Variants in PTPRD observed in about 807,000 individuals in gnomAD.
PTPRD encodes receptor-type tyrosine-protein phosphatase delta.
PTPRD carries 34 observed loss-of-function variants against 214.5 expected under a neutral mutation model. The observed-to-expected ratio is 0.16, with a 90% CI of 0.12 to 0.21. The LOEUF is 0.21. PTPRD is among the 10% of genes least tolerant of loss of function. The probability of loss-of-function intolerance (pLI) is 1.00; values close to 1 mark genes in which losing one functional copy is unlikely to be tolerated. For missense variants in PTPRD, 2,545 were observed against 2,398.7 expected, an observed-to-expected ratio of 1.06 and a Z score of -1.27; for synonymous variants, 1,128 against 845.7, an observed-to-expected ratio of 1.33 and a Z score of -5.79.
intron 2 of PTPRD, among the ~76,000 whole-genome samples, chr9:10,599,636 G>A (rs549720954): frequency 1.3e-5 from 2 of 151,828 alleles, no homozygotes; most frequent in African/African-American, 4.8e-5. Context: ...TTTCTTCAAA[G>A]TTTGGTCATG....
chr9:9,208,199 C>T (rs1466402326), intron 9 of PTPRD, among the ~76,000 whole-genome samples: 2 of 150,798 alleles, frequency 1.3e-5, no homozygotes, highest in African/African-American at 2.4e-5. Context: ...TAGTTTTAGT[C>T]GAGACGGGGT....
chr9:9,352,360 T>C (rs1308714959), intron 9 of PTPRD, among the ~76,000 whole-genome samples: 1 of 129,032 alleles, frequency 7.8e-6, no homozygotes, highest in African/African-American at 2.6e-5. Flanking sequence ...TGTGTATATA[T>C]GTGTGTGTGT....
chr9:8,910,642 C>T (rs80111768), intron 11 of PTPRD, among the ~76,000 whole-genome samples: 5,601 of 152,100 alleles, frequency 0.037, 170 homozygotes, highest in Non-Finnish European at 0.055. Context: ...TCCCAGCCTC[C>T]AGAACTGTAA....
At position 8,816,070 on chromosome 9, in the gene PTPRD, A is replaced by G. The variant is rs2096913139; in HGVS notation, c.-103-82124T>C. ...AATTCCAGAATACCAAACCACTACT[A>G]AGGATTTTAAATGAAACCCCTGCTG... On this transcript the variant is annotated intron_variant, in intron 11 of 45. Coordinates refer to ENST00000381196, the MANE Select transcript of PTPRD (RefSeq NM_002839.4). 2.0e-5 allele frequency among the ~76,000 whole-genome samples: 3 copies of G among 152,192 alleles called. No homozygotes were observed. In the South Asian group the frequency reaches 6.2e-4, roughly 32 times the overall value.
At chr9:9,477,844 A>C (rs780707134) in intron 8 of PTPRD, among the ~76,000 whole-genome samples, 11 of 152,176 alleles carry the variant, frequency 7.2e-5, no homozygotes, top group Non-Finnish European at 8.8e-5. Context: ...GCCAATGTTA[A>C]GGAAGAATAA....
chr9:10,574,194 T>C (rs555352628), intron 2 of PTPRD, among the ~76,000 whole-genome samples: 3 of 61,638 alleles, frequency 4.9e-5, no homozygotes, highest in African/African-American at 8.0e-5. Flanking sequence ...AGAGAAATGA[T>C]AGATGTGTGT....
intron 14 of PTPRD, among the ~76,000 whole-genome samples, chr9:8,611,925 G>A (rs2154291150): frequency 8.9e-6 from 1 of 111,946 alleles, no homozygotes; most frequent in African/African-American, 3.1e-5. Context: ...TCAAGACCTT[G>A]TGAAAAGAAA....
At chr9:9,775,936 C>A (rs908518804) in intron 5 of PTPRD, among the ~76,000 whole-genome samples, 1 of 107,298 alleles carries the variant, frequency 9.3e-6, no homozygotes, top group Non-Finnish European at 1.7e-5. Context: ...GCCTGGGCAA[C>A]AGAGCAAGAC....
intron 3 of PTPRD, among the ~76,000 whole-genome samples, chr9:10,277,825 C>G (rs557479730): frequency 6.6e-6 from 1 of 151,980 alleles, no homozygotes; most frequent in Non-Finnish European, 1.5e-5. Flanking sequence ...GAGATTCTGG[C>G]AACTGGCCCA....
chr9:9,088,408 T>G, intron 10 of PTPRD, among the ~76,000 whole-genome samples: 1 of 151,114 alleles, frequency 6.6e-6, no homozygotes, highest in East Asian at 2.0e-4. Flanking sequence ...GGTGAAACCC[T>G]GTCTCTACAA....
At chr9:8,661,378 G>C (rs2097048715) in intron 12 of PTPRD, among the ~76,000 whole-genome samples, 2 of 151,634 alleles carry the variant, frequency 1.3e-5, no homozygotes, top group Admixed American at 1.3e-4. Flanking sequence ...ATAGCAGAAG[G>C]TTGTATTTAT....
chr9:9,474,784 T>C (rs2094901300), intron 8 of PTPRD, among the ~76,000 whole-genome samples: 1 of 152,176 alleles, frequency 6.6e-6, no homozygotes, highest in Non-Finnish European at 1.5e-5. Context: ...GTTAATTTTG[T>C]ATCTTGCAAC....
At chr9:9,550,411 T>TA (rs1194132216) in intron 8 of PTPRD, among the ~76,000 whole-genome samples, 42 of 121,086 alleles carry the variant, frequency 3.5e-4, no homozygotes, top group African/African-American at 9.7e-4. Flanking sequence ...AATGTATAAT[T>TA]TTATATATAA....
chr9:9,483,451 T>C (rs1442332781), intron 8 of PTPRD, among the ~76,000 whole-genome samples: 1 of 152,114 alleles, frequency 6.6e-6, no homozygotes, highest in African/African-American at 2.4e-5. Flanking sequence ...TTTTGCAACC[T>C]AGAGGTGAGG....
At chr9:8,523,266 G>C (rs1012548536) in intron 19 of PTPRD, among the ~76,000 whole-genome samples, 1 of 152,070 alleles carries the variant, frequency 6.6e-6, no homozygotes, top group African/African-American at 2.4e-5. Flanking sequence ...CACTGACCAA[G>C]TTCACTGGAC....
At chr9:9,767,149 A>G (rs1299520956) in intron 5 of PTPRD, among the ~76,000 whole-genome samples, 1 of 152,074 alleles carries the variant, frequency 6.6e-6, no homozygotes, top group Non-Finnish European at 1.5e-5. Context: ...AAGAAAGAAC[A>G]TATACAGATA....
intron 7 of PTPRD, among the ~76,000 whole-genome samples, chr9:9,627,764 C>A (rs2095469357): frequency 6.6e-6 from 1 of 152,118 alleles, no homozygotes; most frequent in African/African-American, 2.4e-5. Context: ...CCCAATAGTT[C>A]TGAAGTATGA....
intron 12 of PTPRD, among the ~76,000 whole-genome samples, chr9:8,703,861 T>C (rs1328595015): frequency 6.6e-6 from 1 of 152,194 alleles, no homozygotes; most frequent in East Asian, 1.9e-4. Context: ...AAATTCAATA[T>C]GTCCCAAACC....
At chr9:8,459,938 T>A (rs1384913597) in intron 33 of PTPRD, among the ~76,000 whole-genome samples, 1 of 152,128 alleles carries the variant, frequency 6.6e-6, no homozygotes, top group Non-Finnish European at 1.5e-5. Context: ...CTGCTTTTGC[T>A]AAATTTTGAG....
Sources: allele counts gnomAD v4.1 joint callset (sites outside exome capture counted in the v4.1 genomes callset), GRCh38; gene constraint gnomAD v4.1.1; transcripts MANE v1.5; gene names NCBI Gene and HGNC (gene_info 2026-07-23, HGNC 2026-07-21).